POLR1D: variants seen among roughly 807,000 people sequenced by gnomAD.
POLR1D encodes DNA-directed RNA polymerases I and III subunit RPAC2.
Under a neutral mutation model 10.8 loss-of-function variants are expected in POLR1D, and 8 were observed. That is an observed-to-expected ratio of 0.74 (90% CI 0.43 to 1.33). The LOEUF is 1.33. Among genes scored for constraint, POLR1D ranks in the 40% most tolerant of loss-of-function variants. POLR1D has a pLI of 0.01. For missense variants in POLR1D, 152 were observed against 161.7 expected (o/e 0.94, Z 0.32); for synonymous variants, 54 against 57.2 (o/e 0.94, Z 0.25).
chr13:27,623,490 T>C, downstream of POLR1D: 1 of 762,452 alleles, frequency 1.3e-6, no homozygotes, highest in South Asian at 2.1e-5. Context: ...CAAATGGTCC[T>C]TGAGGATGAC....
At chr13:27,623,985 G>A (rs1955980957), downstream of POLR1D, among the ~76,000 whole-genome samples, 1 of 152,192 alleles carries the variant, frequency 6.6e-6, no homozygotes, top group Non-Finnish European at 1.5e-5. Flanking sequence ...CAGTCCTTAA[G>A]TAGGTATAGC....
At chr13:27,665,895 C>T in exon 3 of POLR1D, 1 of 1,614,172 alleles carries the variant, frequency 6.2e-7, no homozygotes, top group Non-Finnish European at 8.5e-7. Context: ...GCCAGTTACT[C>T]CCCGCCACGA....
intron 1 of POLR1D, chr13:27,646,045 G>C (rs1187013971): frequency 6.6e-6 from 1 of 152,124 alleles, no homozygotes; most frequent in Non-Finnish European, 1.5e-5. Context: ...TCTATAGTCT[G>C]GTCCAGAAAG....
In POLR1D at chr13:27,663,276, C is replaced by T. The variant is rs1158779843; in HGVS notation, c.102-2410C>T. ...TCATCACTTCTAAAATGTGTACTGG[C>T]ATGCCTGGGAGATGTCTGACTTTCA... On this transcript the variant is annotated intron_variant, in intron 2 of 2. Coordinates refer to the POLR1D transcript ENST00000399697. The surrounding 1 kb of genome is among the most constrained non-coding windows in gnomAD (Gnocchi z 4.1). Among the ~76,000 whole-genome samples, 4 of 152,258 alleles carry T rather than the reference C, an allele frequency of 2.6e-5. No homozygotes were observed. The highest frequency in any genetic ancestry group is 9.6e-5 in the African/African-American group (4 of 41,546).
At chr13:27,629,725 A>T (rs1956054763) in intron 1 of POLR1D, among the ~76,000 whole-genome samples, 1 of 152,196 alleles carries the variant, frequency 6.6e-6, no homozygotes, top group African/African-American at 2.4e-5. Flanking sequence ...AAAAGAAATT[A>T]AGATTCTGAT....
In POLR1D at chr13:27,644,395, A is replaced by G. The variant is rs201840407; in HGVS notation, c.27-3984A>G. 4.6e-5 allele frequency among the ~76,000 whole-genome samples: 7 copies of G among 152,192 alleles called. No individual in the cohort carries two copies. The East Asian group carries it at 1.3e-3, about 29-fold the overall frequency. ...GATTTTGTACCAGATTTGCATTCCTACTTGGGTTTTATTTAAGCTGCTATT... is the reference window on the plus strand; with the variant it reads ...GATTTTGTACCAGATTTGCATTCCTGCTTGGGTTTTATTTAAGCTGCTATT... On this transcript the variant is annotated intron_variant, in intron 1 of 2. Coordinates refer to the POLR1D transcript ENST00000399697.
At chr13:27,652,932 T>A (rs1220229571) in intron 2 of POLR1D, among the ~76,000 whole-genome samples, 1 of 145,146 alleles carries the variant, frequency 6.9e-6, no homozygotes, top group South Asian at 2.2e-4. Context: ...TTTTTTTTTT[T>A]TTTTTGAGAC....
At chr13:27,627,747 T>TTTTTTC (rs1566142755), downstream of POLR1D, among the ~76,000 whole-genome samples, 18 of 135,126 alleles carry the variant, frequency 1.3e-4, no homozygotes, top group East Asian at 4.3e-4. Flanking sequence ...TTTTTTTTTT[T>TTTTTTC]TTTGTCCCAT....
intron 1 of POLR1D, among the ~76,000 whole-genome samples, chr13:27,646,585 A>C (rs1318603719): frequency 1.3e-5 from 2 of 152,240 alleles, no homozygotes; most frequent in African/African-American, 4.8e-5. Flanking sequence ...GGGCCTTCCC[A>C]AGAAGGATCA....
rs557414394 is a variant in POLR1D at position 27,652,053 on chromosome 13, G to A, written c.101+3600G>A. On this transcript the variant is annotated intron_variant, in intron 2 of 2. Coordinates refer to the POLR1D transcript ENST00000399697. ...TTTAGGCACAGGGTGCTTTGGTTTCGGATATAAGGCTGTACCTTCATCAGG... is the reference window on the plus strand; with the variant it reads ...TTTAGGCACAGGGTGCTTTGGTTTCAGATATAAGGCTGTACCTTCATCAGG... 1.8e-4 allele frequency among the ~76,000 whole-genome samples: 27 copies of A among 152,270 alleles called. No individual in the cohort carries two copies. In the South Asian group the frequency reaches 3.5e-3, roughly 20 times the overall value.
chr13:27,641,254 T>C (rs537227785), intron 1 of POLR1D, among the ~76,000 whole-genome samples: 1 of 152,336 alleles, frequency 6.6e-6, no homozygotes, highest in East Asian at 1.9e-4. Context: ...TTGACAGCAA[T>C]TGGGCCATAT....
chr13:27,621,419 A>T (rs1049057271), upstream of POLR1D: 8 of 151,738 alleles, frequency 5.3e-5, no homozygotes, highest in Admixed American at 2.6e-4. Context: ...CTCGCACGTG[A>T]CCCCCCTCCC....
intron 1 of POLR1D, among the ~76,000 whole-genome samples, chr13:27,642,320 C>G (rs949204136): frequency 6.6e-6 from 1 of 152,130 alleles, no homozygotes; most frequent in African/African-American, 2.4e-5. Flanking sequence ...TGGTCAGTGT[C>G]TGTGGTTTCC....
At position 27,666,094 on chromosome 13, in the gene POLR1D, G is replaced by A. The variant is rs1023921095; in HGVS notation, c.*141G>A. The A allele has an allele frequency of 6.8e-6, 5 of 738,014 alleles. No homozygotes were observed. The African/African-American group carries it at 7.0e-5, about 10-fold the overall frequency. The allele number at this position is 738,014 out of a possible 1,614,324, so 45.7% of individuals were successfully genotyped here. ...CTTTGTTGTTTTTAAAGAGGCTGCT[G>A]GCCACAGGCAAAAAAAATGACCTAG... On this transcript the variant is annotated 3_prime_UTR_variant, in exon 3 of 3. Coordinates refer to the POLR1D transcript ENST00000399697.
At chr13:27,654,066 A>G (rs922118163) in intron 2 of POLR1D, among the ~76,000 whole-genome samples, 3 of 152,206 alleles carry the variant, frequency 2.0e-5, no homozygotes, top group East Asian at 3.8e-4. Context: ...AGCAAGAACT[A>G]TGATTGATAT....
At chr13:27,655,030 T>G (rs1956296450) in intron 2 of POLR1D, among the ~76,000 whole-genome samples, 1 of 151,970 alleles carries the variant, frequency 6.6e-6, no homozygotes. Flanking sequence ...TTTAGATAGG[T>G]GCCAGCAAGC....
downstream of POLR1D, among the ~76,000 whole-genome samples, chr13:27,624,297 C>A (rs1229526801): frequency 1.3e-5 from 2 of 152,072 alleles, no homozygotes; most frequent in Admixed American, 1.3e-4. Context: ...TCTTGTTTAC[C>A]CACTAAACCA....
intron 1 of POLR1D, among the ~76,000 whole-genome samples, chr13:27,630,281 G>A (rs1956060592): frequency 6.6e-6 from 1 of 152,014 alleles, no homozygotes; most frequent in Admixed American, 6.6e-5. Flanking sequence ...AGCTACCTTG[G>A]TGCTTTTCTA....
intron 2 of POLR1D, among the ~76,000 whole-genome samples, chr13:27,658,378 G>A (rs1956328149): frequency 6.6e-6 from 1 of 152,222 alleles, no homozygotes; most frequent in African/African-American, 2.4e-5. Context: ...CAGGTGTTCA[G>A]CCACAAGAGT....
Sources: gnomAD v4.1 joint callset for allele counts (sites outside exome capture counted in the v4.1 genomes callset) on GRCh38, gnomAD v4.1.1 for gene constraint, Gnocchi (gnomAD v3.1) non-coding constraint, MANE v1.5 for transcripts, NCBI Gene and HGNC (gene_info 2026-07-23, HGNC 2026-07-21) for gene names.